Variants in LRRC27 observed in about 807,000 individuals in gnomAD.
LRRC27 encodes leucine rich repeat containing 27.
LRRC27 carries 57 observed loss-of-function variants against 55.0 expected under a neutral mutation model. The ratio of observed to expected loss-of-function variants is 1.04; its 90% CI spans 0.84 to 1.29. LRRC27 has a LOEUF of 1.29. LRRC27 is among the 50% of genes most tolerant of loss of function. The pLI, the probability that LRRC27 is intolerant of heterozygous loss-of-function variation, is 0.00. For missense variants in LRRC27, 721 were observed against 651.5 expected (o/e 1.11, Z -1.16); for synonymous variants, 278 against 251.9 (o/e 1.10, Z -0.98).
At chr10:132,347,944 C>A (rs763267056) in intron 5 of LRRC27, 40 bp from the exon 6 acceptor site, 1 of 1,543,950 alleles carries the variant, frequency 6.5e-7, no homozygotes, top group South Asian at 1.2e-5. Flanking sequence ...AGAGGGATGG[C>A]GTTGATGGTA....
At position 132,348,594 on chromosome 10, in the gene LRRC27, C is replaced by G. The variant is rs2067842452; in HGVS notation, c.926+238C>G. Among the ~76,000 whole-genome samples, 1 of 152,086 alleles carries G rather than the reference C, an allele frequency of 6.6e-6. No individual in the cohort carries two copies. The highest frequency in any genetic ancestry group is 2.4e-5 in the African/African-American group (1 of 41,382). ...GAGTTTGCCAAGGTTGAGGATACGCCCGGGGAAAAGAGACATAAGCGACAG... is the reference window on the plus strand; with the variant it reads ...GAGTTTGCCAAGGTTGAGGATACGCGCGGGGAAAAGAGACATAAGCGACAG... On this transcript the variant is annotated intron_variant, in intron 6 of 10. Transcript: ENST00000368614. The surrounding 1 kb of genome is among the most constrained non-coding windows in gnomAD (Gnocchi z 4.2).
At chr10:132,345,435 ATTTGGAAATTG>A (rs1328067786) in intron 5 of LRRC27, among the ~76,000 whole-genome samples, 2 of 152,156 alleles carry the variant, frequency 1.3e-5, no homozygotes, top group East Asian at 3.8e-4. Context: ...GATGGACTCT[ATTTGGAAATTG>A]TTTTAAATGA....
At chr10:132,356,981 T>C (rs780441818) in intron 8 of LRRC27, among the ~76,000 whole-genome samples, 6 of 152,278 alleles carry the variant, frequency 3.9e-5, no homozygotes, top group Admixed American at 6.5e-5. Context: ...GGCTTCACCC[T>C]ACAGCAGAGA....
intron 5 of LRRC27, 44 bp downstream of exon 5, chr10:132,344,694 T>G (rs1325539250): frequency 6.2e-7 from 1 of 1,600,294 alleles, no homozygotes; most frequent in Non-Finnish European, 8.6e-7. Flanking sequence ...AACGTTGAAG[T>G]TACAGCTTTT....
At position 132,351,753 on chromosome 10, in the gene LRRC27, G is replaced by A. The variant is rs779748391; in HGVS notation, c.1073G>A (p.Arg358Gln). Reference sequence around the variant, plus strand: ...CAGGCTCTGATGGAGCAGCAGAGACGGTGAGTCCACACAGGGTGGGGGTCC... The same window carrying A: ...CAGGCTCTGATGGAGCAGCAGAGACAGTGAGTCCACACAGGGTGGGGGTCC... ...EKQALMEQQR[R>Q]EKRALQEWRE... is the part of the protein sequence containing the mutation. Residue 358 changes from arginine (R) to glutamine (Q), a missense_variant and splice_region_variant, in exon 7 of 11, where the codon CGA becomes CAA. Transcript: ENST00000368614. 2.6e-5 allele frequency: 42 copies of A among 1,611,074 alleles called. No individual in the cohort carries two copies. Among genetic ancestry groups the A allele is most frequent in the Non-Finnish European group, 3.3e-5 (39 of 1,178,804 alleles).
intron 8 of LRRC27, among the ~76,000 whole-genome samples, chr10:132,360,122 T>C (rs2068543127): frequency 6.6e-6 from 1 of 152,172 alleles, no homozygotes; most frequent in Non-Finnish European, 1.5e-5. Flanking sequence ...ATTTATTTAT[T>C]TATTTATTTA....
At chr10:132,336,226 A>ATT (rs2067124405) in intron 2 of LRRC27, among the ~76,000 whole-genome samples, 1 of 152,058 alleles carries the variant, frequency 6.6e-6, no homozygotes, top group Admixed American at 6.5e-5. Context: ...TGGGGGGGGA[A>ATT]GAACAGGACC....
At chr10:132,370,924 A>G (rs577607353) in intron 10 of LRRC27, among the ~76,000 whole-genome samples, 11 of 152,368 alleles carry the variant, frequency 7.2e-5, no homozygotes, top group African/African-American at 2.6e-4. Context: ...CTTTGCCAGA[A>G]GAGTGTGTCT....
intron 5 of LRRC27, among the ~76,000 whole-genome samples, chr10:132,345,403 G>A (rs1412078607): frequency 6.6e-6 from 1 of 152,212 alleles, no homozygotes; most frequent in Non-Finnish European, 1.5e-5. Flanking sequence ...TAAATAACGT[G>A]TGGCCTTGCA....
chr10:132,373,606 G>A (rs1236693634), intron 10 of LRRC27, among the ~76,000 whole-genome samples: 3 of 152,198 alleles, frequency 2.0e-5, no homozygotes, highest in Non-Finnish European at 4.4e-5. Context: ...GATACGCAAA[G>A]ACTCAAAATG....
intron 5 of LRRC27, among the ~76,000 whole-genome samples, chr10:132,346,443 G>A (rs919602090): frequency 1.3e-5 from 2 of 152,160 alleles, no homozygotes; most frequent in African/African-American, 2.4e-5. Context: ...TTGGGAGGCC[G>A]AGGCGGGCGG....
rs1476859048 is a variant in LRRC27 at position 132,380,727 on chromosome 10, G to T, written c.*5485G>T. On this transcript the variant is annotated 3_prime_UTR_variant, in exon 11 of 11. Transcript: ENST00000368614. ...TGAGCGCAATACTGTAAACCTTGAA[G>T]AACACTTTGGGACCCATAGAGTGCC... Among the ~76,000 whole-genome samples, 1 of 152,190 alleles carries T rather than the reference G, an allele frequency of 6.6e-6. No individual in the cohort carries two copies. Among genetic ancestry groups the T allele is most frequent in the Non-Finnish European group, 1.5e-5 (1 of 68,028 alleles).
chr10:132,361,335 G>A (rs144497903), intron 8 of LRRC27, 122 bp from the exon 9 acceptor site: 7 of 792,182 alleles, frequency 8.8e-6, no homozygotes, highest in East Asian at 2.5e-5. Context: ...CCGTCTACCC[G>A]GGGCGGCCTC....
chr10:132,365,779 A>C (rs921640283), intron 10 of LRRC27, among the ~76,000 whole-genome samples: 2 of 152,034 alleles, frequency 1.3e-5, no homozygotes, highest in Non-Finnish European at 2.9e-5. Flanking sequence ...TTGTATTTTT[A>C]ATAGAGATAG....
At chr10:132,334,766 C>T (rs1279776982) in intron 2 of LRRC27, among the ~76,000 whole-genome samples, 1 of 152,192 alleles carries the variant, frequency 6.6e-6, no homozygotes, top group Non-Finnish European at 1.5e-5. Context: ...ATATCCTCAG[C>T]CCTGAATAAG....
At position 132,375,417 on chromosome 10, in the gene LRRC27, T is replaced by C. The variant is rs1590742160; in HGVS notation, c.*175T>C. 1 of 565,142 alleles carries C rather than the reference T, an allele frequency of 1.8e-6. No homozygotes were observed. The allele number at this position is 565,142 out of a possible 1,614,324, so 35.0% of individuals were successfully genotyped here. ...CAGGTCCACGTCCCTCTCCTGAGGC[T>C]GTGGAAGATTTCAGCCGTATTAAAA... On this transcript the variant is annotated 3_prime_UTR_variant, in exon 11 of 11. Transcript: ENST00000368614.
intron 3 of LRRC27, among the ~76,000 whole-genome samples, chr10:132,339,985 T>C (rs1010221090): frequency 6.6e-6 from 1 of 152,200 alleles, no homozygotes; most frequent in African/African-American, 2.4e-5. Flanking sequence ...TACTCGGAAA[T>C]ACAAAGTGAT....
intron 10 of LRRC27, among the ~76,000 whole-genome samples, chr10:132,373,731 C>T (rs1350294897): frequency 6.6e-6 from 1 of 152,164 alleles, no homozygotes; most frequent in Non-Finnish European, 1.5e-5. Context: ...AGGGAGCTGA[C>T]CCAGAAGCCC....
At chr10:132,333,867 G>A in intron 2 of LRRC27, 133 bp downstream of exon 2, 1 of 705,242 alleles carries the variant, frequency 1.4e-6, no homozygotes, top group South Asian at 2.0e-5. Context: ...ATAGAGGAAA[G>A]GTTAACTCAT....
Sources: gnomAD v4.1 joint callset for allele counts (sites outside exome capture counted in the v4.1 genomes callset) on GRCh38, gnomAD v4.1.1 for gene constraint, Gnocchi (gnomAD v3.1) non-coding constraint, MANE v1.5 for transcripts, NCBI Gene and HGNC (gene_info 2026-07-23, HGNC 2026-07-21) for gene names.